Variants in CCDC171 observed in about 807,000 individuals in gnomAD.
The protein encoded by CCDC171 is coiled-coil domain containing 171.
Under a neutral mutation model 168.2 loss-of-function variants are expected in CCDC171, and 177 were observed. The ratio of observed to expected loss-of-function variants is 1.05; its 90% CI spans 0.93 to 1.19. The LOEUF (loss-of-function observed/expected upper bound fraction) is 1.19. CCDC171 is among the 50% of genes most tolerant of loss of function. The pLI is 0.00. For synonymous variants in CCDC171, 687 were observed against 540.8 expected (o/e 1.27, Z -3.75); for missense variants, 1,991 against 1,539.0 (o/e 1.29, Z -4.91).
At chr9:15,896,698 C>G (rs1425264872) in intron 24 of CCDC171, among the ~76,000 whole-genome samples, 1 of 151,930 alleles carries the variant, frequency 6.6e-6, no homozygotes, top group Non-Finnish European at 1.5e-5. Context: ...ACTAAAAAGC[C>G]CTTCAGTATC....
chr9:15,868,870 G>A (rs1416140076), intron 23 of CCDC171, among the ~76,000 whole-genome samples: 1 of 151,780 alleles, frequency 6.6e-6, no homozygotes, highest in African/African-American at 2.4e-5. Context: ...GTTTCCTTGG[G>A]GATTGGTTCC....
the CCDC171 span, among the ~76,000 whole-genome samples, chr9:16,091,402 G>C: frequency 0.34 from 51,166 of 152,154 alleles, 8,814 homozygotes; most frequent in Non-Finnish European, 0.36. Context: ...GTTGTGGAGA[G>C]CATGACTGCT....
rs1472102235 is a variant in CCDC171, at chr9:15,727,942, G to C, written c.1766G>C (p.Gly589Ala). The C allele has an allele frequency of 6.2e-7, 1 of 1,613,320 alleles. No individual in the cohort carries two copies. The highest frequency in any genetic ancestry group is 8.5e-7 in the Non-Finnish European group (1 of 1,179,622). Residue 589 changes from glycine to alanine, a missense_variant, in exon 15 of 26, where the codon GGC becomes GCC. Transcript: ENST00000380701. Reference sequence around the variant, plus strand: ...TGTGTGCTCATAAAACAACCAGAAGGCATGCTGGATAAATTCTCTTGGTCT... The same window carrying C: ...TGTGTGCTCATAAAACAACCAGAAGCCATGCTGGATAAATTCTCTTGGTCT... Reference protein sequence around the residue: ...AGCVLIKQPEGMLDKFSWSEL... With the variant: ...AGCVLIKQPEAMLDKFSWSEL...
intron 24 of CCDC171, among the ~76,000 whole-genome samples, chr9:15,891,382 A>G (rs1307504416): frequency 6.6e-6 from 1 of 152,158 alleles, no homozygotes; most frequent in Non-Finnish European, 1.5e-5. Flanking sequence ...TTGCACTAAC[A>G]CTACTCTTTA....
chr9:15,962,140 C>T lies in CCDC171; in HGVS notation c.3754-9469C>T, dbSNP rs534913539. Among the ~76,000 whole-genome samples, 67 of 152,216 alleles carry T rather than the reference C, an allele frequency of 4.4e-4. 1 individual carries two copies. In the South Asian group the frequency reaches 9.5e-3, roughly 22 times the overall value. On this transcript the variant is annotated intron_variant, in intron 25 of 25. Coordinates refer to ENST00000380701, the MANE Select transcript of CCDC171 (RefSeq NM_173550.4). The stretch of plus-strand genomic sequence containing the variant: ...CATTCATTTACATATCCTCGATGGC[C>T]GCTTATGTGCTACAACACAGGGGCT...
chr9:15,652,796 ATTC>A (rs1386323774), intron 7 of CCDC171, among the ~76,000 whole-genome samples: 2 of 152,106 alleles, frequency 1.3e-5, no homozygotes, highest in African/African-American at 2.4e-5. Context: ...TTCCATCTTT[ATTC>A]TTCTTTTTCA....
intron 8 of CCDC171, among the ~76,000 whole-genome samples, chr9:15,658,482 A>G (rs1451918679): frequency 2.6e-5 from 4 of 152,206 alleles, no homozygotes; most frequent in African/African-American, 9.7e-5. Flanking sequence ...AAAGATGTCC[A>G]CATCTGCCCT....
chr9:15,680,995 T>G (rs1035468625), intron 10 of CCDC171, among the ~76,000 whole-genome samples: 3 of 152,154 alleles, frequency 2.0e-5, no homozygotes, highest in African/African-American at 7.2e-5. Flanking sequence ...CTGGTTTAAC[T>G]CACCACAGAG....
At chr9:15,615,589 T>C (rs1414603406) in intron 6 of CCDC171, among the ~76,000 whole-genome samples, 1 of 152,196 alleles carries the variant, frequency 6.6e-6, no homozygotes, top group Non-Finnish European at 1.5e-5. Flanking sequence ...TATAGTAATA[T>C]ATCACCAAAA....
chr9:16,025,334 C>T (rs543499796), intron 6 of CCDC171, among the ~76,000 whole-genome samples: 3 of 152,178 alleles, frequency 2.0e-5, no homozygotes, highest in East Asian at 3.9e-4. Flanking sequence ...CCCAGCTACT[C>T]GGGAGGCTGA....
intron 1 of CCDC171, among the ~76,000 whole-genome samples, chr9:16,052,418 G>A (rs920560200): frequency 1.3e-5 from 2 of 152,114 alleles, no homozygotes; most frequent in African/African-American, 4.8e-5. Context: ...GCACTCTCAG[G>A]CCCAAGATAC....
the CCDC171 span, among the ~76,000 whole-genome samples, chr9:16,081,146 G>T: frequency 1.3e-5 from 2 of 152,120 alleles, no homozygotes; most frequent in Non-Finnish European, 2.9e-5. Flanking sequence ...ATCACTTCTG[G>T]GAAGCCCAGT....
At chr9:15,871,255 G>A (rs1023367809) in intron 23 of CCDC171, among the ~76,000 whole-genome samples, 5 of 151,642 alleles carry the variant, frequency 3.3e-5, no homozygotes, top group African/African-American at 7.2e-5. Context: ...GCTGTTAGGC[G>A]TTTTGAAGAA....
intron 11 of CCDC171, among the ~76,000 whole-genome samples, chr9:15,697,772 G>T (rs2051326820): frequency 6.6e-6 from 1 of 152,158 alleles, no homozygotes; most frequent in Non-Finnish European, 1.5e-5. Context: ...GGAGAGTCTT[G>T]CCTTGATGTT....
intron 7 of CCDC171, among the ~76,000 whole-genome samples, chr9:15,630,903 A>G (rs1030593913): frequency 2.6e-5 from 4 of 152,210 alleles, no homozygotes; most frequent in Non-Finnish European, 4.4e-5. Context: ...AAACTGAACA[A>G]CCTGCTCCTG....
chr9:15,809,931 T>C (rs544082880), intron 21 of CCDC171, among the ~76,000 whole-genome samples: 2 of 152,150 alleles, frequency 1.3e-5, no homozygotes, highest in Non-Finnish European at 2.9e-5. Context: ...GAGAGCTGTT[T>C]GGTCCGTTTT....
At chr9:15,910,172 GCA>G (rs60923477) in intron 24 of CCDC171, among the ~76,000 whole-genome samples, 5,319 of 150,818 alleles carry the variant, frequency 0.035, 258 homozygotes, top group African/African-American at 0.11. Context: ...GTATATATGT[GCA>G]CACACACACA....
chr9:15,557,493 CTT>C (rs1163817099), intron 1 of CCDC171, among the ~76,000 whole-genome samples: 5 of 152,204 alleles, frequency 3.3e-5, no homozygotes, highest in African/African-American at 1.2e-4. Flanking sequence ...ATTTTACTCT[CTT>C]TGTAGCAATT....
chr9:15,586,246 C>G (rs1000424331), intron 4 of CCDC171, among the ~76,000 whole-genome samples: 9 of 152,124 alleles, frequency 5.9e-5, no homozygotes, highest in Non-Finnish European at 2.9e-5. Context: ...GTTAACAATC[C>G]TAGAGTCCAG....
Sources: gnomAD v4.1 joint callset for allele counts (sites outside exome capture counted in the v4.1 genomes callset) on GRCh38, gnomAD v4.1.1 for gene constraint, MANE v1.5 for transcripts, NCBI Gene and HGNC (gene_info 2026-07-23, HGNC 2026-07-21) for gene names.